PCDH9: variants seen among roughly 807,000 people sequenced by gnomAD.
The protein encoded by PCDH9 is protocadherin 9.
A neutral mutation model predicts 70.6 loss-of-function variants in PCDH9; 24 were observed. That is an observed-to-expected ratio of 0.34 (90% CI 0.25 to 0.48). The LOEUF is 0.48. Among genes scored for constraint, PCDH9 ranks in the 20% least tolerant of loss-of-function variants. The pLI is 0.99. For synonymous variants in PCDH9, 562 were observed against 558.5 expected, an observed-to-expected ratio of 1.01 and a Z score of -0.09; for missense variants, 1,281 against 1,503.6, an observed-to-expected ratio of 0.85 and a Z score of 2.45.
intron 4 of PCDH9, among the ~76,000 whole-genome samples, chr13:66,380,843 G>A (rs570771259): frequency 6.6e-6 from 1 of 152,226 alleles, no homozygotes; most frequent in South Asian, 2.1e-4. Flanking sequence ...GCGCCAGCCA[G>A]ATCTTGGTTG....
chr13:66,336,037 A>C (rs1384979713), intron 4 of PCDH9, among the ~76,000 whole-genome samples: 2 of 152,032 alleles, frequency 1.3e-5, no homozygotes, highest in Admixed American at 1.3e-4. Flanking sequence ...TCTAAAGATA[A>C]GCAGTCATGT....
At chr13:66,353,903 A>AGT (rs1956336484) in intron 4 of PCDH9, among the ~76,000 whole-genome samples, 1 of 152,186 alleles carries the variant, frequency 6.6e-6, no homozygotes, top group African/African-American at 2.4e-5. Flanking sequence ...ACCTGGCACT[A>AGT]GTCAGTCACT....
chr13:66,850,158 T>A (rs1000539374), intron 3 of PCDH9, among the ~76,000 whole-genome samples: 2 of 152,158 alleles, frequency 1.3e-5, no homozygotes, highest in African/African-American at 4.8e-5. Context: ...ACTGATTGCT[T>A]AAGAACACTA....
chr13:66,954,431 A>G (rs779611919), intron 2 of PCDH9, among the ~76,000 whole-genome samples: 1 of 152,186 alleles, frequency 6.6e-6, no homozygotes, highest in Non-Finnish European at 1.5e-5. Flanking sequence ...ATGGCTCTGC[A>G]CTTACTGCAT....
chr13:66,997,872 A>G (rs1416835998), intron 2 of PCDH9, among the ~76,000 whole-genome samples: 2 of 152,112 alleles, frequency 1.3e-5, no homozygotes, highest in Non-Finnish European at 2.9e-5. Flanking sequence ...AGGGAACAAA[A>G]CAACCAAACC....
At chr13:67,085,226 A>G (rs1170536303) in intron 2 of PCDH9, among the ~76,000 whole-genome samples, 2 of 151,692 alleles carry the variant, frequency 1.3e-5, no homozygotes, top group Non-Finnish European at 2.9e-5. Context: ...ATTCCATTGC[A>G]AAAACAATCA....
intron 3 of PCDH9, among the ~76,000 whole-genome samples, chr13:66,809,020 T>A (rs368474314): frequency 1.3e-5 from 2 of 152,228 alleles, no homozygotes; most frequent in Admixed American, 1.3e-4. Flanking sequence ...CTATCTCGGC[T>A]CACTGCAAGC....
At chr13:66,433,667 A>C (rs1310884582) in intron 4 of PCDH9, among the ~76,000 whole-genome samples, 2 of 151,786 alleles carry the variant, frequency 1.3e-5, no homozygotes, top group African/African-American at 4.8e-5. Flanking sequence ...TATTACCTAA[A>C]GTTAAGTATC....
intron 3 of PCDH9, among the ~76,000 whole-genome samples, chr13:66,684,768 T>A (rs1287347744): frequency 6.6e-6 from 1 of 152,034 alleles, no homozygotes; most frequent in Non-Finnish European, 1.5e-5. Context: ...TGGTACAGGA[T>A]AGTGAGGTGC....
In PCDH9 at chr13:66,932,681, T is replaced by TATATATATATATATATATATAC. The variant is rs1313632174; in HGVS notation, c.3037-29077_3037-29076insGTATATATATATATATATATAT. On this transcript the variant is annotated intron_variant, in intron 2 of 4. Transcript: ENST00000377865. The stretch of plus-strand genomic sequence containing the variant: ...TCACATATATATATATATATATATA[T>TATATATATATATATATATATAC]ACACACACACACACGTATGTATATA... Among the ~76,000 whole-genome samples, 845 of 114,244 alleles carry TATATATATATATATATATATAC rather than the reference T, an allele frequency of 7.4e-3. 16 individuals are homozygous for TATATATATATATATATATATAC. The highest frequency in any genetic ancestry group is 0.022 in the African/African-American group (645 of 28,838). The allele number at this position is 114,244 out of a possible 152,430, so 74.9% of individuals were successfully genotyped here.
At chr13:66,477,484 A>T (rs1476616512) in intron 4 of PCDH9, among the ~76,000 whole-genome samples, 2 of 152,182 alleles carry the variant, frequency 1.3e-5, no homozygotes, top group Non-Finnish European at 2.9e-5. Context: ...CAAGACATAG[A>T]TATCAAAAGA....
chr13:66,337,332 G>A (rs926015895), intron 4 of PCDH9, among the ~76,000 whole-genome samples: 5 of 151,990 alleles, frequency 3.3e-5, no homozygotes, highest in Non-Finnish European at 5.9e-5. Context: ...GGTCTTTGGA[G>A]ATAAATGCAA....
At chr13:66,427,791 C>A (rs976782651) in intron 4 of PCDH9, among the ~76,000 whole-genome samples, 8 of 151,646 alleles carry the variant, frequency 5.3e-5, no homozygotes, top group Non-Finnish European at 1.2e-4. Context: ...TATTCTCTTA[C>A]ACAACTTATT....
intron 4 of PCDH9, among the ~76,000 whole-genome samples, chr13:66,388,597 A>G (rs535630184): frequency 6.6e-6 from 1 of 152,308 alleles, no homozygotes; most frequent in African/African-American, 2.4e-5. Flanking sequence ...AATTGAAAGA[A>G]AAATGTTCAT....
At chr13:66,441,836 T>C (rs1370339401) in intron 4 of PCDH9, among the ~76,000 whole-genome samples, 2 of 152,146 alleles carry the variant, frequency 1.3e-5, no homozygotes, top group East Asian at 3.8e-4. Context: ...TTTTTATGAC[T>C]TCTTAGTACT....
chr13:67,122,368 GCT>G (rs2086893551), intron 2 of PCDH9, among the ~76,000 whole-genome samples: 1 of 151,864 alleles, frequency 6.6e-6, no homozygotes, highest in Admixed American at 6.6e-5. Context: ...AGTATAACAT[GCT>G]CTTTTTTGGC....
At chr13:66,848,845 G>A (rs371000909) in intron 3 of PCDH9, among the ~76,000 whole-genome samples, 6 of 149,574 alleles carry the variant, frequency 4.0e-5, no homozygotes, top group African/African-American at 1.5e-4. Flanking sequence ...GGAGAATGGC[G>A]TGAACCCCGG....
At position 66,500,302 on chromosome 13, in the gene PCDH9, G is replaced by A. The variant is rs117841163; in HGVS notation, c.3340+130908C>T. On this transcript the variant is annotated intron_variant, in intron 4 of 4. Transcript: ENST00000377865. ...TACATATTTAAAGAAAATAAAATTAGTATGCAAAGAGCTATCTGGGCTCCC... is the reference window on the plus strand; with the variant it reads ...TACATATTTAAAGAAAATAAAATTAATATGCAAAGAGCTATCTGGGCTCCC... 4.7e-3 allele frequency among the ~76,000 whole-genome samples: 709 copies of A among 152,206 alleles called. 30 individuals are homozygous for A. The East Asian group carries it at 0.091, about 20-fold the overall frequency.
chr13:66,850,339 C>T lies in PCDH9; in HGVS notation c.3138+53165G>A, dbSNP rs563251864. On this transcript the variant is annotated intron_variant, in intron 3 of 4. Transcript: ENST00000377865. ...TTCAAGACCAGCCTGGCCAATATGG[C>T]GAAGCCCCATCTCTACTAAAAATGC... Among the ~76,000 whole-genome samples the T allele has an allele frequency of 2.6e-5, 4 of 152,038 alleles. No homozygotes were observed. In the South Asian group the frequency reaches 8.3e-4, roughly 32 times the overall value.
Sources: allele counts gnomAD v4.1 joint callset (sites outside exome capture counted in the v4.1 genomes callset), GRCh38; gene constraint gnomAD v4.1.1; transcripts MANE v1.5; gene names NCBI Gene and HGNC (gene_info 2026-07-23, HGNC 2026-07-21).